The following DEPDC7 variants were observed in gnomAD, a reference collection of about 807,000 sequenced individuals.
DEPDC7 encodes DEP domain containing 7, also known as DEP domain-containing protein 7.
In DEPDC7, 41 loss-of-function variants were observed where a neutral mutation model predicts 56.6. The ratio of observed to expected loss-of-function variants is 0.72; its 90% CI spans 0.56 to 0.94. DEPDC7 has a LOEUF of 0.94. Among genes scored for constraint, DEPDC7 ranks in the 40% least tolerant of loss-of-function variants. DEPDC7 has a pLI of 0.00. For missense variants in DEPDC7, 522 were observed against 596.3 expected, an observed-to-expected ratio of 0.88 and a Z score of 1.30; for synonymous variants, 185 against 208.8, an observed-to-expected ratio of 0.89 and a Z score of 0.98.
chr11:33,033,288 C>A lies in DEPDC7; in HGVS notation c.1369C>A (p.Gln457Lys). The change falls in exon 9 of 9, where the codon CAA (glutamine) becomes AAA (lysine). Residue 457 changes from glutamine (Q) to lysine (K), a missense_variant. Gln to Lys is a moderately conservative substitution (Grantham distance 53). Coordinates refer to ENST00000241051, the MANE Select transcript of DEPDC7 (RefSeq NM_001077242.2). Reference protein sequence around the residue: ...AGYIYCQRIDQRDYSNNTEKT... With the variant: ...AGYIYCQRIDKRDYSNNTEKT... ...ATATATTTATTGCCAGAGAATTGAT[C>A]AACGTGACTATTCCAACAATACAGA... The A allele has an allele frequency of 6.3e-7, 1 of 1,596,804 alleles. No homozygotes were observed. Among genetic ancestry groups the A allele is most frequent in the South Asian group, 1.1e-5 (1 of 87,174 alleles).
At chr11:33,029,808 G>A (rs982803922) in intron 4 of DEPDC7, among the ~76,000 whole-genome samples, 3 of 152,116 alleles carry the variant, frequency 2.0e-5, no homozygotes, top group South Asian at 2.1e-4. Flanking sequence ...CTAATTCTAC[G>A]TTCCAAAGAA....
In DEPDC7 at chr11:33,025,759, T is replaced by A. The variant is rs1049298013; in HGVS notation, c.174T>A (p.Arg58=). Residue 58 remains arginine, a synonymous_variant, in exon 2 of 9, where the codon CGT becomes CGA. Coordinates refer to ENST00000241051, the MANE Select transcript of DEPDC7 (RefSeq NM_001077242.2). ...TGGAAGTGAAAAAACGAAGGCACCG[T>A]TTAAAACGACATAATGACTGCTTTG... ...TQVEVKKRRH[R]LKRHNDCFVG... 1 of 1,614,216 alleles carries A rather than the reference T, an allele frequency of 6.2e-7. No individual in the cohort carries two copies. The highest frequency in any genetic ancestry group is 8.5e-7 in the Non-Finnish European group (1 of 1,180,040).
chr11:33,032,254 C>T (rs1853639797), intron 5 of DEPDC7, 82 bp from the exon 6 acceptor site: 2 of 1,303,538 alleles, frequency 1.5e-6, no homozygotes, highest in Admixed American at 2.7e-5. Flanking sequence ...CACTTTTTAA[C>T]TCAAACTGTA....
chr11:33,033,383 A>C lies in DEPDC7; in HGVS notation c.1464A>C (p.Lys488Asn), dbSNP rs1014191596. 6.2e-7 allele frequency: 1 copy of C among 1,611,176 alleles called. No individual in the cohort carries two copies. The highest frequency in any genetic ancestry group is 8.5e-7 in the Non-Finnish European group (1 of 1,179,180). ...ATGAGGATTCAAAACTTTCTGCCAA[A>C]GAGAAGAAAAAATTGCTAGGTCAAT... ...TLDEDSKLSA[K>N]EKKKLLGQFY... Residue 488 changes from lysine to asparagine, a missense_variant, in exon 9 of 9, where the codon AAA (lysine) becomes AAC (asparagine). Coordinates refer to ENST00000241051, the MANE Select transcript of DEPDC7 (RefSeq NM_001077242.2).
At chr11:33,032,634 T>C (rs989549462) in intron 6 of DEPDC7, 34 bp from the exon 7 acceptor site, 8 of 1,452,322 alleles carry the variant, frequency 5.5e-6, no homozygotes, top group Non-Finnish European at 7.4e-6. Context: ...CTCTTAAATA[T>C]ATACTATTGG....
chr11:33,022,136 G>T (rs1218622935), intron 1 of DEPDC7, among the ~76,000 whole-genome samples: 1 of 152,198 alleles, frequency 6.6e-6, no homozygotes, highest in Non-Finnish European at 1.5e-5. Flanking sequence ...CAGTCTGATT[G>T]AAGTTTGAAT....
chr11:33,016,605 G>T (rs769860928), intron 1 of DEPDC7: 13 of 1,611,698 alleles, frequency 8.1e-6, no homozygotes, highest in Non-Finnish European at 1.7e-6. Flanking sequence ...AACACTTTAT[G>T]TATAAGCAGT....
intron 2 of DEPDC7, among the ~76,000 whole-genome samples, chr11:33,027,067 A>G (rs11032093): frequency 0.4 from 60,984 of 152,042 alleles, 12,403 homozygotes; most frequent in East Asian, 0.45. Context: ...CCTTGGGACC[A>G]GATGCATTTA....
At chr11:33,021,928 C>G (rs1196457583) in intron 1 of DEPDC7, among the ~76,000 whole-genome samples, 1 of 152,134 alleles carries the variant, frequency 6.6e-6, no homozygotes, top group African/African-American at 2.4e-5. Context: ...GAAGATTAGC[C>G]TTTTCTACTC....
At chr11:33,022,242 A>G (rs1185725282) in intron 1 of DEPDC7, among the ~76,000 whole-genome samples, 1 of 152,194 alleles carries the variant, frequency 6.6e-6, no homozygotes, top group African/African-American at 2.4e-5. Flanking sequence ...AGTAGTGACT[A>G]CTGTTTTTAA....
At chr11:33,021,799 A>G (rs1853526930) in intron 1 of DEPDC7, among the ~76,000 whole-genome samples, 4 of 151,854 alleles carry the variant, frequency 2.6e-5, no homozygotes, top group Non-Finnish European at 1.5e-5. Flanking sequence ...ACAGGTGTCT[A>G]CTCTCCTGCT....
chr11:33,016,552 T>C (rs766755267), intron 1 of DEPDC7: 117 of 1,614,100 alleles, frequency 7.2e-5, no homozygotes, highest in Non-Finnish European at 9.4e-5. Context: ...GAGAGGTTTA[T>C]GTGAGTTCTA....
At chr11:33,031,680 C>T in intron 5 of DEPDC7, 91 bp downstream of exon 5, 1 of 1,007,376 alleles carries the variant, frequency 9.9e-7, no homozygotes, top group Middle Eastern at 2.9e-4. Flanking sequence ...AGTACTACTA[C>T]AAGCTGGGAG....
rs756884786 is a variant in DEPDC7 at position 33,032,913 on chromosome 11, G to T, written c.1288G>T (p.Val430Leu). 10 of 1,604,326 alleles carry T rather than the reference G, an allele frequency of 6.2e-6. No individual in the cohort carries two copies. The South Asian group carries it at 1.1e-4, about 18-fold the overall frequency. ...FKIPGTLHKI[V>L]SVKLMAIQNG... Reference sequence around the variant, plus strand: ...GATTCCTGGAACTCTACATAAAATTGTAAGTGTTAAGCTTATGGCCATACA... The same window carrying T: ...GATTCCTGGAACTCTACATAAAATTTTAAGTGTTAAGCTTATGGCCATACA... The change falls in exon 8 of 9, where the codon GTA becomes TTA. Residue 430 changes from valine (V) to leucine (L), a missense_variant. Transcript: ENST00000241051.
chr11:33,030,045 C>T (rs1442661499), intron 4 of DEPDC7, among the ~76,000 whole-genome samples: 2 of 151,994 alleles, frequency 1.3e-5, no homozygotes, highest in Non-Finnish European at 2.9e-5. Context: ...CTGCAGCCTC[C>T]GCCTCCCGGG....
At chr11:33,027,972 A>C (rs1229472584) in intron 3 of DEPDC7, 159 bp downstream of exon 3, 4 of 660,158 alleles carry the variant, frequency 6.1e-6, no homozygotes, top group African/African-American at 1.9e-5. Context: ...ACAGAAGTCT[A>C]TTATCTTTAA....
intron 3 of DEPDC7, 26 bp downstream of exon 3, chr11:33,027,839 G>A: frequency 6.7e-7 from 1 of 1,501,168 alleles, no homozygotes; most frequent in Non-Finnish European, 8.8e-7. Context: ...AGCAAAGTAA[G>A]AAGTAGAAGA....
Position 33,025,693 on chromosome 11 carries a change from G to GT in DEPDC7, c.109dup (p.Tyr37LeufsTer27), listed in dbSNP as rs760564144. 42 of 1,611,890 alleles carry GT rather than the reference G, an allele frequency of 2.6e-5. No homozygotes were observed. The highest frequency in any genetic ancestry group is 3.1e-5 in the Non-Finnish European group (37 of 1,178,068). Reference sequence around the variant, plus strand: ...TAGCTCAGAAGCCATTTGGAGCCACGTATGTATGGAGCAGCATCATAAACA... The same window carrying GT: ...TAGCTCAGAAGCCATTTGGAGCCACGTTATGTATGGAGCAGCATCATAAACA... On this transcript the variant is annotated frameshift_variant, in exon 2 of 9. Transcript: ENST00000241051. LOFTEE classifies it high-confidence loss of function.
At chr11:33,016,462 T>C in intron 1 of DEPDC7, 1 of 1,599,132 alleles carries the variant, frequency 6.3e-7, no homozygotes, top group Non-Finnish European at 8.5e-7. Context: ...GGGGCCGAGC[T>C]CCTCCCTTGC....
Sources: gnomAD v4.1 joint callset for allele counts (sites outside exome capture counted in the v4.1 genomes callset) on GRCh38, gnomAD v4.1.1 for gene constraint, MANE v1.5 for transcripts, NCBI Gene and HGNC (gene_info 2026-07-23, HGNC 2026-07-21) for gene names.